The following PTPRN2 variants were observed in gnomAD, a reference collection of about 807,000 sequenced individuals.
The protein encoded by PTPRN2 is protein tyrosine phosphatase receptor type N2, also known as receptor-type tyrosine-protein phosphatase N2.
A neutral mutation model predicts 118.8 loss-of-function variants in PTPRN2; 74 were observed. That is an observed-to-expected ratio of 0.62 (90% CI 0.52 to 0.76). PTPRN2 has a LOEUF of 0.76. Ranked by LOEUF, PTPRN2 falls within the 30% of genes least tolerant of loss-of-function variation. PTPRN2 has a pLI of 0.00. For missense variants in PTPRN2, 1,481 were observed against 1,394.4 expected (o/e 1.06, Z -0.99); for synonymous variants, 641 against 608.0 (o/e 1.05, Z -0.80).
intron 2 of PTPRN2, among the ~76,000 whole-genome samples, chr7:158,393,851 A>G (rs1194969274): frequency 1.3e-5 from 2 of 151,342 alleles, no homozygotes; most frequent in Admixed American, 6.6e-5. Flanking sequence ...GGTTCAATGT[A>G]TATCACCTTC....
At chr7:157,847,545 A>G (rs1808935165) in intron 12 of PTPRN2, among the ~76,000 whole-genome samples, 1 of 125,954 alleles carries the variant, frequency 7.9e-6, no homozygotes, top group Non-Finnish European at 1.7e-5. Context: ...CTCTCACTCC[A>G]TCATGCGTGC....
intron 10 of PTPRN2, among the ~76,000 whole-genome samples, chr7:158,104,171 T>C (rs1815476141): frequency 6.6e-6 from 1 of 152,054 alleles, no homozygotes; most frequent in South Asian, 2.1e-4. Flanking sequence ...TAGAGACAGA[T>C]TTAAGGCAAT....
At chr7:157,892,010 G>T (rs1024001428) in intron 12 of PTPRN2, among the ~76,000 whole-genome samples, 2 of 152,160 alleles carry the variant, frequency 1.3e-5, no homozygotes, top group Non-Finnish European at 2.9e-5. Context: ...GAGACTCAGG[G>T]TCGGCCACTT....
chr7:157,603,883 C>A lies in PTPRN2; in HGVS notation c.2418+119G>T. 2 of 953,230 alleles carry A rather than the reference C, an allele frequency of 2.1e-6. No homozygotes were observed. Among genetic ancestry groups the A allele is most frequent in the East Asian group, 5.2e-5 (2 of 38,542 alleles). 59.0% of individuals were successfully genotyped at this position (953,230 alleles called of 1,614,324 possible). On this transcript the variant is annotated intron_variant, in intron 16 of 22. Coordinates refer to ENST00000389418, the MANE Select transcript of PTPRN2 (RefSeq NM_002847.5). The surrounding 1 kb of genome is among the most constrained non-coding windows in gnomAD (Gnocchi z 5.4). ...CAATGGGCAGAGTCGGCCCTGTCCA[C>A]CGCAGAGACGCTGAGCTGGGTGGGG...
chr7:158,561,692 A>T (rs1289728102), intron 1 of PTPRN2, among the ~76,000 whole-genome samples: 2 of 152,340 alleles, frequency 1.3e-5, no homozygotes, highest in Non-Finnish European at 2.9e-5. Flanking sequence ...TTTGACATTT[A>T]ACAATCCTGA....
intron 11 of PTPRN2, among the ~76,000 whole-genome samples, chr7:158,072,229 C>T (rs1176702545): frequency 6.6e-6 from 1 of 152,152 alleles, no homozygotes; most frequent in South Asian, 2.1e-4. Context: ...TCCAATAATG[C>T]AAATACGTAG....
At chr7:158,452,314 T>A (rs1818141824) in intron 2 of PTPRN2, among the ~76,000 whole-genome samples, 1 of 152,240 alleles carries the variant, frequency 6.6e-6, no homozygotes, top group African/African-American at 2.4e-5. Flanking sequence ...TTGTGATAAC[T>A]TACATGTATA....
intron 3 of PTPRN2, among the ~76,000 whole-genome samples, chr7:158,224,103 A>C (rs747129115): frequency 2.4e-4 from 36 of 152,242 alleles, no homozygotes; most frequent in Non-Finnish European, 4.7e-4. Flanking sequence ...TGATGAAAGA[A>C]ACCAAAGATC....
intron 14 of PTPRN2, among the ~76,000 whole-genome samples, chr7:157,651,076 G>A (rs1388503344): frequency 4.6e-5 from 7 of 152,230 alleles, no homozygotes; most frequent in Admixed American, 3.3e-4. Context: ...CGCGTCTCAC[G>A]CTGGGAGTTC....
intron 9 of PTPRN2, 116 bp downstream of exon 9, chr7:158,133,561 A>T: frequency 7.2e-7 from 1 of 1,387,626 alleles, no homozygotes; most frequent in Non-Finnish European, 9.6e-7. Flanking sequence ...CCCATTATTC[A>T]GTTGAAGACA....
intron 1 of PTPRN2, among the ~76,000 whole-genome samples, chr7:158,513,161 GGC>G (rs1480490193): frequency 2.6e-5 from 4 of 152,172 alleles, no homozygotes; most frequent in Non-Finnish European, 5.9e-5. Context: ...CCACCATGAT[GGC>G]GCACACTGAG....
rs1311565034 is a variant in PTPRN2 at position 157,874,602 on chromosome 7, C to A, written c.1788+24071G>T. Among the ~76,000 whole-genome samples the A allele has an allele frequency of 6.6e-6, 1 of 152,218 alleles. No individual in the cohort carries two copies. Among genetic ancestry groups the A allele is most frequent in the African/African-American group, 2.4e-5 (1 of 41,452 alleles). On this transcript the variant is annotated intron_variant, in intron 12 of 22. Coordinates refer to ENST00000389418, the MANE Select transcript of PTPRN2 (RefSeq NM_002847.5). This position sits in a 1 kb window ranked among gnomAD's most constrained non-coding sequence, Gnocchi z 5.8. Reference sequence around the variant, plus strand: ...GATTTCCTACTCGCTCCACAGACAGCTCCCGGGGTCCGGGGAGAAGCGGAG... The same window carrying A: ...GATTTCCTACTCGCTCCACAGACAGATCCCGGGGTCCGGGGAGAAGCGGAG...
chr7:158,129,179 C>A (rs1041782144), intron 9 of PTPRN2, among the ~76,000 whole-genome samples: 4 of 145,578 alleles, frequency 2.7e-5, no homozygotes, highest in Admixed American at 2.1e-4. Context: ...ACAACACATA[C>A]CACGCCACAC....
chr7:158,271,793 A>G (rs1405913332), intron 3 of PTPRN2, among the ~76,000 whole-genome samples: 3 of 152,128 alleles, frequency 2.0e-5, no homozygotes, highest in Admixed American at 1.3e-4. Context: ...GGGGTGAAGA[A>G]GCGTCCTGAG....
intron 14 of PTPRN2, among the ~76,000 whole-genome samples, chr7:157,639,447 T>C (rs138605325): frequency 3.3e-4 from 51 of 152,348 alleles, no homozygotes; most frequent in African/African-American, 1.2e-3. Context: ...GTAATTTGCA[T>C]GGCATGTGTG....
intron 2 of PTPRN2, among the ~76,000 whole-genome samples, chr7:158,365,842 ACACACACC>A (rs1456108080): frequency 7.4e-5 from 10 of 136,050 alleles, no homozygotes; most frequent in African/African-American, 2.6e-4. Flanking sequence ...GCGTGCACAC[ACACACACC>A]CACACACACA....
Position 157,734,216 on chromosome 7 carries a change from A to G in PTPRN2, c.1789-51279T>C, listed in dbSNP as rs1055174612. On this transcript the variant is annotated intron_variant, in intron 12 of 22. Coordinates refer to ENST00000389418, the MANE Select transcript of PTPRN2 (RefSeq NM_002847.5). ...CTCTTTTCCGTCCCATGCGCCCAGC[A>G]CAGTTACTCTTCCACCCCATGCTCC... Among the ~76,000 whole-genome samples, 9 of 149,702 alleles carry G rather than the reference A, an allele frequency of 6.0e-5. 1 individual carries two copies. Among genetic ancestry groups the G allele is most frequent in the Non-Finnish European group, 1.2e-4 (8 of 67,792 alleles).
chr7:157,933,360 CTGAT>C (rs1234880683), intron 11 of PTPRN2, among the ~76,000 whole-genome samples: 7 of 149,160 alleles, frequency 4.7e-5, no homozygotes, highest in African/African-American at 1.7e-4. Context: ...GTGAGTCACT[CTGAT>C]TGACAGCTTT....
chr7:158,201,474 TC>T (rs1450764149), intron 4 of PTPRN2, among the ~76,000 whole-genome samples: 2 of 152,218 alleles, frequency 1.3e-5, no homozygotes, highest in Non-Finnish European at 2.9e-5. Flanking sequence ...AAAATATATT[TC>T]CTTGCAATAC....
Sources: gnomAD v4.1 joint callset for allele counts (sites outside exome capture counted in the v4.1 genomes callset) on GRCh38, gnomAD v4.1.1 for gene constraint, Gnocchi (gnomAD v3.1) non-coding constraint, MANE v1.5 for transcripts, NCBI Gene and HGNC (gene_info 2026-07-23, HGNC 2026-07-21) for gene names.